The following ELP1 variants were observed in gnomAD, a reference collection of about 807,000 sequenced individuals.
ELP1 encodes the protein elongator complex protein 1.
Under a neutral mutation model 183.2 loss-of-function variants are expected in ELP1, and 131 were observed. The ratio of observed to expected loss-of-function variants is 0.72; its 90% CI spans 0.62 to 0.83. The LOEUF (loss-of-function observed/expected upper bound fraction) is 0.83. ELP1 is among the 40% of genes least tolerant of loss of function. The pLI is 0.00. For missense variants in ELP1, 1,550 were observed against 1,594.9 expected, an observed-to-expected ratio of 0.97 and a Z score of 0.48; for synonymous variants, 555 against 569.0, an observed-to-expected ratio of 0.98 and a Z score of 0.35.
At chr9:108,903,251 G>A (rs1368713949) in intron 15 of ELP1, among the ~76,000 whole-genome samples, 7 of 150,978 alleles carry the variant, frequency 4.6e-5, no homozygotes, top group African/African-American at 1.7e-4. Flanking sequence ...GACAGGCCCA[G>A]GTGTGTGATG....
At chr9:108,929,142 A>G (rs1829915870) in intron 3 of ELP1, among the ~76,000 whole-genome samples, 1 of 152,386 alleles carries the variant, frequency 6.6e-6, no homozygotes. Flanking sequence ...GACATAATCA[A>G]TGTTAAGGAG....
intron 36 of ELP1, among the ~76,000 whole-genome samples, chr9:108,870,794 A>C (rs1827419861): frequency 6.6e-6 from 1 of 152,146 alleles, no homozygotes; most frequent in South Asian, 2.1e-4. Flanking sequence ...GAACCTTTGG[A>C]ACAAATGTCA....
At chr9:108,882,929 C>A (rs1173656546) in intron 29 of ELP1, among the ~76,000 whole-genome samples, 1 of 152,070 alleles carries the variant, frequency 6.6e-6, no homozygotes, top group Non-Finnish European at 1.5e-5. Flanking sequence ...TGCAGGAGTT[C>A]CTTACATATT....
chr9:108,876,071 T>C (rs888465195), intron 35 of ELP1, among the ~76,000 whole-genome samples: 11 of 152,074 alleles, frequency 7.2e-5, no homozygotes. Context: ...CCAGGAGTTG[T>C]TCAAGACCAG....
At chr9:108,894,289 A>T (rs1219132495) in intron 25 of ELP1, among the ~76,000 whole-genome samples, 1 of 152,192 alleles carries the variant, frequency 6.6e-6, no homozygotes, top group Non-Finnish European at 1.5e-5. Context: ...ATCCAAGCAT[A>T]CCCCAGTCCT....
chr9:108,873,381 A>G (rs1224072418), intron 36 of ELP1, among the ~76,000 whole-genome samples: 1 of 152,204 alleles, frequency 6.6e-6, no homozygotes, highest in African/African-American at 2.4e-5. Flanking sequence ...GAGTGGCACT[A>G]ATTTTGTGAT....
At chr9:108,910,665 G>A (rs764772710) in intron 12 of ELP1, among the ~76,000 whole-genome samples, 1 of 151,974 alleles carries the variant, frequency 6.6e-6, no homozygotes, top group Admixed American at 6.5e-5. Flanking sequence ...GCTCCTAGGA[G>A]GGATGAGATC....
chr9:108,908,765 C>A (rs1158658858), intron 12 of ELP1, among the ~76,000 whole-genome samples: 1 of 152,220 alleles, frequency 6.6e-6, no homozygotes, highest in East Asian at 1.9e-4. Flanking sequence ...CACTGCACAG[C>A]AGCCAATGCA....
chr9:108,882,328 T>C (rs1827961901), intron 29 of ELP1, 141 bp from the exon 30 acceptor site: 1 of 683,624 alleles, frequency 1.5e-6, no homozygotes, highest in South Asian at 1.5e-5. Flanking sequence ...ATGCCTATCC[T>C]AGAGTTCATG....
chr9:108,870,318 C>A (rs113259766), intron 36 of ELP1, among the ~76,000 whole-genome samples: 1 of 152,064 alleles, frequency 6.6e-6, no homozygotes, highest in Admixed American at 6.5e-5. Flanking sequence ...TACTGTTGTT[C>A]GGCAGTGTAT....
chr9:108,905,024 CTT>C (rs1828965911), intron 14 of ELP1, among the ~76,000 whole-genome samples: 1 of 152,124 alleles, frequency 6.6e-6, no homozygotes, highest in Admixed American at 6.5e-5. Context: ...GAAGTAGAAA[CTT>C]AGTAAATTGC....
At chr9:108,871,948 G>T (rs1827474686) in intron 36 of ELP1, among the ~76,000 whole-genome samples, 1 of 152,118 alleles carries the variant, frequency 6.6e-6, no homozygotes, top group Non-Finnish European at 1.5e-5. Context: ...CTTGCACTGG[G>T]TTCATTTATC....
At chr9:108,900,173 A>G in intron 19 of ELP1, 87 bp downstream of exon 19, 1 of 961,456 alleles carries the variant, frequency 1.0e-6, no homozygotes, top group South Asian at 1.3e-5. Context: ...AGAATAAGAA[A>G]GCCTAAAATA....
intron 14 of ELP1, among the ~76,000 whole-genome samples, chr9:108,905,868 T>TACACACAC (rs35044796): frequency 0.01 from 1,538 of 148,048 alleles, 16 homozygotes; most frequent in African/African-American, 0.025. Context: ...AAGGTATGTA[T>TACACACAC]ACACACACAC....
intron 33 of ELP1, 95 bp downstream of exon 33, chr9:108,879,351 C>A: frequency 1.1e-6 from 1 of 879,894 alleles, no homozygotes; most frequent in East Asian, 2.5e-5. Context: ...TCCCCACTCC[C>A]ACTACACCGT....
At chr9:108,895,997 C>A (rs980124764) in intron 25 of ELP1, among the ~76,000 whole-genome samples, 2 of 152,216 alleles carry the variant, frequency 1.3e-5, no homozygotes, top group African/African-American at 4.8e-5. Flanking sequence ...GTGGCCCACA[C>A]CTGTAATTCC....
intron 1 of ELP1, among the ~76,000 whole-genome samples, chr9:108,932,274 T>C (rs1450257230): frequency 6.6e-6 from 1 of 152,204 alleles, no homozygotes; most frequent in Admixed American, 6.5e-5. Flanking sequence ...ACAATGATTT[T>C]AGTAAGTTTT....
intron 14 of ELP1, 36 bp downstream of exon 14, chr9:108,906,267 G>A: frequency 1.2e-6 from 2 of 1,607,212 alleles, no homozygotes. Context: ...AACTCCATTT[G>A]CTTAACATGT....
intron 15 of ELP1, 54 bp downstream of exon 15, chr9:108,903,509 G>T: frequency 1.7e-6 from 2 of 1,158,552 alleles, no homozygotes; most frequent in South Asian, 1.2e-5. Context: ...ATGTTCTTAA[G>T]AACTAAGCAT....
Sources: gnomAD v4.1 joint callset for allele counts (sites outside exome capture counted in the v4.1 genomes callset) on GRCh38, gnomAD v4.1.1 for gene constraint, MANE v1.5 for transcripts, NCBI Gene and HGNC (gene_info 2026-07-23, HGNC 2026-07-21) for gene names.